Variants in KLF16 observed in about 807,000 individuals in gnomAD.
KLF16 encodes KLF transcription factor 16, also known as Krueppel-like factor 16.
Under a neutral mutation model 6.1 loss-of-function variants are expected in KLF16, and 6 were observed. The ratio of observed to expected loss-of-function variants is 0.98; its 90% CI spans 0.54 to 1.93. KLF16 has a LOEUF of 1.93. Ranked by LOEUF, KLF16 falls within the 30% of genes most tolerant of loss-of-function variation. The pLI, the probability that KLF16 is intolerant of heterozygous loss-of-function variation, is 0.01. For missense variants in KLF16, 355 were observed against 363.8 expected, an observed-to-expected ratio of 0.98 and a Z score of 0.20; for synonymous variants, 211 against 176.5, an observed-to-expected ratio of 1.20 and a Z score of -1.55.
At chr19:1,865,395 C>T (rs575952175), upstream of KLF16, among the ~76,000 whole-genome samples, 3 of 152,374 alleles carry the variant, frequency 2.0e-5, no homozygotes, top group Non-Finnish European at 4.4e-5. Context: ...CCCCAGGGTC[C>T]TGGAACCCCG....
upstream of KLF16, among the ~76,000 whole-genome samples, chr19:1,867,844 G>C (rs2145375201): frequency 6.6e-6 from 1 of 152,242 alleles, no homozygotes; most frequent in African/African-American, 2.4e-5. Context: ...TCCAGCCTGA[G>C]TGACAGTGAG....
chr19:1,867,062 G>C (rs1344931410), upstream of KLF16, among the ~76,000 whole-genome samples: 1 of 152,208 alleles, frequency 6.6e-6, no homozygotes, highest in Non-Finnish European at 1.5e-5. Flanking sequence ...AGCTCAGCAG[G>C]GGACAGACAG....
At chr19:1,874,551 C>A in the KLF16 span, among the ~76,000 whole-genome samples, 1 of 151,008 alleles carries the variant, frequency 6.6e-6, no homozygotes, top group African/African-American at 2.4e-5. Flanking sequence ...GATCTTACAG[C>A]GGAGAAGATA....
At position 1,852,946 on chromosome 19, in the gene KLF16, CT is replaced by C. The variant is rs896763409; in HGVS notation, c.*1512del. ...CACACCAGTGCCATCCAAAGCCCCC[CT>C]GTCCCCAAGCGAGAGGCAGGACGGT... On this transcript the variant is annotated 3_prime_UTR_variant, in exon 2 of 2. Transcript: ENST00000250916. 11 of 152,174 alleles carry C rather than the reference CT, an allele frequency of 7.2e-5. No homozygotes were observed. Among genetic ancestry groups the C allele is most frequent in the Admixed American group, 6.5e-4 (10 of 15,276 alleles). 9.4% of individuals were successfully genotyped at this position (152,174 alleles called of 1,614,324 possible).
At chr19:1,869,338 G>C in the KLF16 span, among the ~76,000 whole-genome samples, 4 of 152,258 alleles carry the variant, frequency 2.6e-5, no homozygotes, top group East Asian at 7.7e-4. Flanking sequence ...AAATTAGCCA[G>C]GTTTGGTGGT....
Position 1,863,087 on chromosome 19 carries a change from G to T in KLF16, c.411C>A (p.Ala137=). ...HRCPFPDCAK[A]YYKSSHLKSH... ...ACTTTAGGTGCGAGGACTTGTAGTA[G>T]GCTTTGGCGCAGTCCGGGAAGGGAC... The change falls in exon 1 of 2, where the codon GCC becomes GCA. Residue 137 remains alanine (A), a synonymous_variant. Transcript: ENST00000250916. 1 of 1,414,970 alleles carries T rather than the reference G, an allele frequency of 7.1e-7. No homozygotes were observed. The highest frequency in any genetic ancestry group is 9.4e-7 in the Non-Finnish European group (1 of 1,066,766). 87.7% of individuals were successfully genotyped at this position (1,414,970 alleles called of 1,614,324 possible). A position where few individuals can be genotyped will look rare whatever the true frequency, so the allele number is the denominator to read the frequency against.
the KLF16 span, chr19:1,875,412 A>G: frequency 6.6e-6 from 1 of 152,354 alleles, no homozygotes; most frequent in South Asian, 2.1e-4. Context: ...TTTTGCAGAA[A>G]CGCACGTAGA....
At chr19:1,862,740 G>T in intron 1 of KLF16, 2 of 355,998 alleles carry the variant, frequency 5.6e-6, no homozygotes, top group Non-Finnish European at 5.0e-6. Context: ...ACGGAACAAG[G>T]CCCAGAAAGG....
chr19:1,874,230 A>G, the KLF16 span, among the ~76,000 whole-genome samples: 1 of 152,204 alleles, frequency 6.6e-6, no homozygotes, highest in Non-Finnish European at 1.5e-5. Flanking sequence ...GTTCAGGAGA[A>G]AAAAGAAACG....
rs3746044 is a variant in KLF16 at position 1,854,452 on chromosome 19, G to A, written c.*7C>T. On this transcript the variant is annotated 3_prime_UTR_variant, in exon 2 of 2. Coordinates refer to ENST00000250916, the MANE Select transcript of KLF16 (RefSeq NM_031918.4). ...TCCTGGCGGTCAGGGTGGGCTGCAC[G>A]AGGGCCCTACAGGCCTGCGGGGGCT... The A allele has an allele frequency of 3.6e-4, 506 of 1,398,342 alleles. 4 individuals are homozygous for A. The East Asian group carries it at 0.011, about 31-fold the overall frequency. The allele number at this position is 1,398,342 out of a possible 1,614,324, so 86.6% of individuals were successfully genotyped here.
At chr19:1,866,267 A>G (rs2012187012), upstream of KLF16, among the ~76,000 whole-genome samples, 1 of 148,644 alleles carries the variant, frequency 6.7e-6, no homozygotes, top group Non-Finnish European at 1.5e-5. Flanking sequence ...GAGATCGAAC[A>G]TTGTACTTCA....
At position 1,853,552 on chromosome 19, in the gene KLF16, G is replaced by T. The variant is rs1042763118; in HGVS notation, c.*907C>A. 2 of 152,552 alleles carry T rather than the reference G, an allele frequency of 1.3e-5. No individual in the cohort carries two copies. The highest frequency in any genetic ancestry group is 2.9e-5 in the Non-Finnish European group (2 of 68,132). 9.4% of individuals were successfully genotyped at this position (152,552 alleles called of 1,614,324 possible). On this transcript the variant is annotated 3_prime_UTR_variant, in exon 2 of 2. Transcript: ENST00000250916. ...CCAACAGCCGCAGTCGTCGTTAAGGGAGAGTTGATTGTCACGTGATACCGC... is the reference window on the plus strand; with the variant it reads ...CCAACAGCCGCAGTCGTCGTTAAGGTAGAGTTGATTGTCACGTGATACCGC...
chr19:1,857,132 C>T lies in KLF16; in HGVS notation c.458-2372G>A, dbSNP rs1409851769. Among the ~76,000 whole-genome samples, 1 of 152,132 alleles carries T rather than the reference C, an allele frequency of 6.6e-6. No homozygotes were observed. Among genetic ancestry groups the T allele is most frequent in the Non-Finnish European group, 1.5e-5 (1 of 68,014 alleles). On this transcript the variant is annotated intron_variant, in intron 1 of 1. Transcript: ENST00000250916. The surrounding 1 kb of genome is among the most constrained non-coding windows in gnomAD (Gnocchi z 4.7). Reference sequence around the variant, plus strand: ...CCTCTCCGGCCTGGGTGCCTGCCAGCCCCGCCCCGCGCTTGGAGACTGAGG... The same window carrying T: ...CCTCTCCGGCCTGGGTGCCTGCCAGTCCCGCCCCGCGCTTGGAGACTGAGG...
At chr19:1,865,905 T>TCCA (rs2012181459), upstream of KLF16, among the ~76,000 whole-genome samples, 1 of 152,220 alleles carries the variant, frequency 6.6e-6, no homozygotes, top group South Asian at 2.1e-4. Context: ...GGCTCACGCC[T>TCCA]GGAATGCCAG....
chr19:1,863,582 GGGAGGCGGAGGA>G (rs1396777834), upstream of KLF16: 1 of 562,158 alleles, frequency 1.8e-6, no homozygotes. Flanking sequence ...GCTCGAGTGC[GGGAGGCGGAGGA>G]GGAGGAGGAG....
At chr19:1,863,017 G>T (rs755408252) in intron 1 of KLF16, 24 bp downstream of exon 1, 2 of 1,289,842 alleles carry the variant, frequency 1.6e-6, no homozygotes, top group Non-Finnish European at 2.0e-6. Flanking sequence ...CCCCCGCAAG[G>T]GCCGGGATCG....
At chr19:1,866,915 T>C (rs1209163725), upstream of KLF16, among the ~76,000 whole-genome samples, 1 of 152,002 alleles carries the variant, frequency 6.6e-6, no homozygotes, top group Non-Finnish European at 1.5e-5. Flanking sequence ...ACTCAGCCCC[T>C]TCTTTCTTCA....
At chr19:1,875,877 C>T in the KLF16 span, 1 of 152,368 alleles carries the variant, frequency 6.6e-6, no homozygotes, top group South Asian at 2.1e-4. Context: ...CGTGCAAAGG[C>T]CCCGTGGTCA....
chr19:1,854,502 G>T lies in KLF16; in HGVS notation c.716C>A (p.Pro239His). Residue 239 changes from proline (P) to histidine (H), a missense_variant, in exon 2 of 2, where the codon CCT becomes CAT. Transcript: ENST00000250916. ...TGGGCTGGGCGCGGGGCTGGGCGCA[G>T]GGCTCCCGGCCAGGCTGCAGGGCAG... ...DSLPCSLAGSPAPSPAPSPAP... is the reference protein window; with the variant it reads ...DSLPCSLAGSHAPSPAPSPAP... 1 of 1,463,324 alleles carries T rather than the reference G, an allele frequency of 6.8e-7. No homozygotes were observed. The highest frequency in any genetic ancestry group is 8.9e-7 in the Non-Finnish European group (1 of 1,118,992). The allele number at this position is 1,463,324 out of a possible 1,614,324, so 90.6% of individuals were successfully genotyped here.
Sources: gnomAD v4.1 joint callset for allele counts (sites outside exome capture counted in the v4.1 genomes callset) on GRCh38, gnomAD v4.1.1 for gene constraint, Gnocchi (gnomAD v3.1) non-coding constraint, MANE v1.5 for transcripts, NCBI Gene and HGNC (gene_info 2026-07-23, HGNC 2026-07-21) for gene names.